Variants in TPP2 observed in about 807,000 individuals in gnomAD.
TPP2 encodes the protein tripeptidyl peptidase 2.
In TPP2, 34 loss-of-function variants were observed where a neutral mutation model predicts 155.9. The ratio of observed to expected loss-of-function variants is 0.22; its 90% confidence interval spans 0.17 to 0.29. The LOEUF (loss-of-function observed/expected upper bound fraction) is 0.29, where lower values mean the gene tolerates loss of function less well. Ranked by LOEUF, TPP2 falls within the 10% of genes least tolerant of loss-of-function variation. TPP2 has a pLI of 1.00. For missense variants in TPP2, 1,028 were observed against 1,522.3 expected, an observed-to-expected ratio of 0.68 and a Z score of 5.40; for synonymous variants, 510 against 529.4, an observed-to-expected ratio of 0.96 and a Z score of 0.50.
intron 5 of TPP2, among the ~76,000 whole-genome samples, chr13:102,621,868 A>G (rs972428151): frequency 6.6e-6 from 1 of 152,224 alleles, no homozygotes; most frequent in African/African-American, 2.4e-5. Flanking sequence ...CTTCTGTAGC[A>G]TGTGGAAGAT....
At position 102,652,431 on chromosome 13, in the gene TPP2, T is replaced by C. The variant is rs374867667; in HGVS notation, c.2991+1034T>C. On this transcript the variant is annotated intron_variant, in intron 24 of 29. Coordinates refer to ENST00000376052, the MANE Select transcript of TPP2 (RefSeq NM_001330588.2). ...ATATATATATATATATATATATATA[T>C]ATATATATATATATATATATATAAA... 1.3e-3 allele frequency among the ~76,000 whole-genome samples: 20 copies of C among 15,372 alleles called. 1 individual carries two copies. The South Asian group carries it at 0.025, about 19-fold the overall frequency. 10.1% of individuals were successfully genotyped at this position (15,372 alleles called of 152,430 possible). A position where few individuals can be genotyped will look rare whatever the true frequency, so the allele number is the denominator to read the frequency against.
At chr13:102,628,010 C>G (rs763414679) in intron 8 of TPP2, 86 bp downstream of exon 8, 1 of 1,072,046 alleles carries the variant, frequency 9.3e-7, no homozygotes, top group Admixed American at 2.2e-5. Flanking sequence ...TTGAGTGTCA[C>G]GGTGGAAGAA....
At chr13:102,613,247 G>T (rs1276406905) in intron 2 of TPP2, among the ~76,000 whole-genome samples, 2 of 152,180 alleles carry the variant, frequency 1.3e-5, no homozygotes, top group East Asian at 3.8e-4. Context: ...CCTCTATTTA[G>T]TTGTGAGGAA....
rs10530428 is a variant in TPP2 at position 102,652,397 on chromosome 13, CATATATATATATAT to C, written c.2991+1044_2991+1057del. 6.0e-3 allele frequency among the ~76,000 whole-genome samples: 752 copies of C among 125,114 alleles called. 7 individuals are homozygous for C. Among genetic ancestry groups the C allele is most frequent in the Admixed American group, 0.019 (196 of 10,540 alleles). 82.1% of individuals were successfully genotyped at this position (125,114 alleles called of 152,430 possible). A position where few individuals can be genotyped will look rare whatever the true frequency, so the allele number is the denominator to read the frequency against. On this transcript the variant is annotated intron_variant, in intron 24 of 29. Transcript: ENST00000376052. ...CCTGTCTCAAAACAAAACATACATA[CATATATATATATAT>C]ATATATATATATATATATATATATA...
intron 25 of TPP2, among the ~76,000 whole-genome samples, chr13:102,661,016 A>G (rs1190966325): frequency 1.3e-5 from 2 of 152,194 alleles, no homozygotes; most frequent in Non-Finnish European, 2.9e-5. Context: ...AGCTGAAACT[A>G]CAAAACTCAA....
intron 24 of TPP2, among the ~76,000 whole-genome samples, chr13:102,651,635 CA>C (rs1438208876): frequency 6.7e-6 from 1 of 150,342 alleles, no homozygotes; most frequent in Non-Finnish European, 1.5e-5. Flanking sequence ...TCTGTGTATA[CA>C]AAAATTTTAA....
intron 6 of TPP2, 29 bp downstream of exon 6, chr13:102,623,069 T>C (rs1276673266): frequency 2.5e-6 from 4 of 1,598,224 alleles, no homozygotes; most frequent in Non-Finnish European, 3.4e-6. Context: ...ACCAATGAGA[T>C]ATAGATTTAT....
chr13:102,647,676 A>G (rs373605452), intron 21 of TPP2, among the ~76,000 whole-genome samples: 4 of 152,268 alleles, frequency 2.6e-5, no homozygotes, highest in African/African-American at 9.6e-5. Context: ...GCATGCATCA[A>G]AGAGATGCGA....
At chr13:102,658,118 T>G (rs576227479) in intron 25 of TPP2, among the ~76,000 whole-genome samples, 1 of 152,346 alleles carries the variant, frequency 6.6e-6, no homozygotes, top group African/African-American at 2.4e-5. Context: ...ACTCTTTGAC[T>G]TTGGGCTTGC....
intron 29 of TPP2, among the ~76,000 whole-genome samples, 164 bp from the exon 30 acceptor site, chr13:102,678,059 AAGTT>A (rs997192356): frequency 1.3e-5 from 2 of 152,128 alleles, no homozygotes; most frequent in African/African-American, 4.8e-5. Flanking sequence ...ATAGTAAGAA[AAGTT>A]GGTTGGTGGG....
At chr13:102,653,690 C>G (rs1883663335) in intron 24 of TPP2, among the ~76,000 whole-genome samples, 1 of 152,128 alleles carries the variant, frequency 6.6e-6, no homozygotes. Flanking sequence ...GCCACTGCAC[C>G]CAGCCTGAAT....
At chr13:102,601,507 G>A (rs1879426962) in intron 1 of TPP2, among the ~76,000 whole-genome samples, 1 of 152,108 alleles carries the variant, frequency 6.6e-6, no homozygotes. Context: ...GACATTTTGG[G>A]AAAAGCTTTG....
At chr13:102,637,007 G>T in intron 13 of TPP2, 75 bp from the exon 14 acceptor site, 543 of 1,435,996 alleles carry the variant, frequency 3.8e-4, no homozygotes, top group East Asian at 1.1e-3. Flanking sequence ...AAATTTTTTT[G>T]GAAAGATGTA....
At chr13:102,660,893 A>G (rs910551980) in intron 25 of TPP2, among the ~76,000 whole-genome samples, 5 of 152,212 alleles carry the variant, frequency 3.3e-5, no homozygotes, top group African/African-American at 1.2e-4. Context: ...TTAATGAGGA[A>G]AGGATAGTAT....
In TPP2 at chr13:102,606,023, A is replaced by G. The variant is rs565951134; in HGVS notation, c.294+1102A>G. On this transcript the variant is annotated intron_variant, in intron 2 of 29. Transcript: ENST00000376052. ...AGGCGTGAGCCAGGGCACTCGGCCT[A>G]CCAGCTTTGTCTTATTCTATGTCCT... 4.6e-5 allele frequency among the ~76,000 whole-genome samples: 7 copies of G among 152,232 alleles called. No homozygotes were observed. The South Asian group carries it at 1.0e-3, about 23-fold the overall frequency.
At chr13:102,666,201 G>A (rs1386774063) in intron 27 of TPP2, among the ~76,000 whole-genome samples, 1 of 152,226 alleles carries the variant, frequency 6.6e-6, no homozygotes, top group Admixed American at 6.5e-5. Context: ...GAAGTTCAGA[G>A]AGTTTAGATG....
intron 6 of TPP2, among the ~76,000 whole-genome samples, chr13:102,623,886 A>G (rs892193022): frequency 1.3e-5 from 2 of 152,162 alleles, no homozygotes; most frequent in South Asian, 4.1e-4. Context: ...ATGCTCTCCC[A>G]TGTGCTTTCA....
At chr13:102,644,732 A>G in intron 18 of TPP2, 59 bp downstream of exon 18, 8 of 1,491,842 alleles carry the variant, frequency 5.4e-6, no homozygotes, top group Non-Finnish European at 6.4e-6. Flanking sequence ...ACTGGAGAGT[A>G]ACTTCATTGG....
chr13:102,609,747 A>G (rs1478096602), intron 2 of TPP2, among the ~76,000 whole-genome samples: 6 of 152,070 alleles, frequency 3.9e-5, no homozygotes, highest in Admixed American at 2.0e-4. Flanking sequence ...CATCACAAGA[A>G]CAACAAGGGG....
Sources: allele counts gnomAD v4.1 joint callset (sites outside exome capture counted in the v4.1 genomes callset), GRCh38; gene constraint gnomAD v4.1.1; transcripts MANE v1.5; gene names NCBI Gene and HGNC (gene_info 2026-07-23, HGNC 2026-07-21).